PCDH17: variants seen among roughly 807,000 people sequenced by gnomAD.
PCDH17 encodes protocadherin-17.
In PCDH17, 21 loss-of-function variants were observed where a neutral mutation model predicts 67.7. That is an observed-to-expected ratio of 0.31 (90% CI 0.22 to 0.45). PCDH17 has a LOEUF of 0.45. Ranked by LOEUF, PCDH17 falls within the 20% of genes least tolerant of loss-of-function variation. The pLI, the probability that PCDH17 is intolerant of heterozygous loss-of-function variation, is 1.00. For missense variants in PCDH17, 1,471 were observed against 1,564.8 expected, an observed-to-expected ratio of 0.94 and a Z score of 1.01; for synonymous variants, 701 against 656.7, an observed-to-expected ratio of 1.07 and a Z score of -1.03.
chr13:57,681,989 A>C (rs1185334086), intron 3 of PCDH17, among the ~76,000 whole-genome samples: 2 of 151,814 alleles, frequency 1.3e-5, no homozygotes, highest in African/African-American at 2.4e-5. Flanking sequence ...TATTCATGAG[A>C]GATTTCACAG....
At chr13:57,645,209 A>C (rs1365231629) in intron 1 of PCDH17, among the ~76,000 whole-genome samples, 1 of 151,706 alleles carries the variant, frequency 6.6e-6, no homozygotes, top group Non-Finnish European at 1.5e-5. Context: ...ACTCTCTATG[A>C]GTAAGATTAG....
At chr13:57,696,735 A>G (rs1955612473) in intron 3 of PCDH17, among the ~76,000 whole-genome samples, 1 of 151,584 alleles carries the variant, frequency 6.6e-6, no homozygotes, top group South Asian at 2.1e-4. Flanking sequence ...GGTTTTACAC[A>G]TTTTGAGTAT....
At chr13:57,630,430 A>G (rs1412175114), upstream of PCDH17, among the ~76,000 whole-genome samples, 3 of 151,924 alleles carry the variant, frequency 2.0e-5, no homozygotes, top group Non-Finnish European at 4.4e-5. Flanking sequence ...AATAGAAAAA[A>G]TTGAGAGGAA....
Position 57,724,845 on chromosome 13 carries a change from C to G in PCDH17, c.3031C>G (p.Leu1011Val). 1 of 1,614,190 alleles carries G rather than the reference C, an allele frequency of 6.2e-7. No individual in the cohort carries two copies. The highest frequency in any genetic ancestry group is 8.5e-7 in the Non-Finnish European group (1 of 1,180,016). ...AAAAGACAAGCGAGAGCACACTATT[C>G]TCATTGCCAACGTTAAACCTTATTT... is the stretch of plus-strand genomic sequence containing the variant. ...FGKDKREHTILIANVKPYLKA... is the reference protein window; with the variant it reads ...FGKDKREHTIVIANVKPYLKA... Residue 1011 changes from leucine (L) to valine (V), a missense_variant, in exon 4 of 4, where the codon CTC (leucine) becomes GTC (valine). Physicochemically the swap from Leu to Val is conservative, Grantham distance 32. Transcript: ENST00000377918.
At chr13:57,717,828 G>A (rs1955834538) in intron 3 of PCDH17, among the ~76,000 whole-genome samples, 1 of 151,936 alleles carries the variant, frequency 6.6e-6, no homozygotes, top group Non-Finnish European at 1.5e-5. Flanking sequence ...TCCTCAAAAT[G>A]TATACATTTT....
intron 1 of PCDH17, among the ~76,000 whole-genome samples, chr13:57,649,614 T>C (rs1955011234): frequency 6.6e-6 from 1 of 152,216 alleles, no homozygotes; most frequent in African/African-American, 2.4e-5. Context: ...ACTCATCTGT[T>C]TTTTAATGAA....
intron 1 of PCDH17, among the ~76,000 whole-genome samples, chr13:57,641,333 T>C (rs1274590071): frequency 2.0e-5 from 3 of 150,874 alleles, no homozygotes; most frequent in Non-Finnish European, 3.0e-5. Context: ...GACATCAACA[T>C]CCCTACTGTG....
chr13:57,717,853 T>G (rs1346410777), intron 3 of PCDH17, among the ~76,000 whole-genome samples: 1 of 152,006 alleles, frequency 6.6e-6, no homozygotes, highest in African/African-American at 2.4e-5. Context: ...CATAGTAGTT[T>G]TATTACTTGA....
intron 1 of PCDH17, among the ~76,000 whole-genome samples, chr13:57,664,443 T>G: frequency 6.6e-6 from 1 of 152,192 alleles, no homozygotes; most frequent in Admixed American, 6.5e-5. Context: ...TGCTTAGAAC[T>G]TTAATAATAT....
chr13:57,674,534 C>T (rs1471861063), intron 3 of PCDH17, among the ~76,000 whole-genome samples: 2 of 151,944 alleles, frequency 1.3e-5, no homozygotes, highest in East Asian at 3.9e-4. Context: ...GTTTCATTGG[C>T]CAGGCTGCTC....
chr13:57,714,116 A>G (rs1462196908), intron 3 of PCDH17, among the ~76,000 whole-genome samples: 4 of 151,662 alleles, frequency 2.6e-5, no homozygotes, highest in Admixed American at 1.3e-4. Flanking sequence ...GGACTCCCAT[A>G]TCCTATTGGC....
intron 1 of PCDH17, among the ~76,000 whole-genome samples, chr13:57,658,546 A>G (rs1955139454): frequency 6.6e-6 from 1 of 152,056 alleles, no homozygotes; most frequent in South Asian, 2.1e-4. Flanking sequence ...TTCCTGGCTT[A>G]TTGCATGCCC....
chr13:57,705,683 A>G (rs1436097014), intron 3 of PCDH17, among the ~76,000 whole-genome samples: 1 of 152,154 alleles, frequency 6.6e-6, no homozygotes, highest in African/African-American at 2.4e-5. Context: ...CAAACACAGT[A>G]CACAAACTGA....
chr13:57,722,429 T>C (rs548369465), intron 3 of PCDH17, among the ~76,000 whole-genome samples: 1 of 152,272 alleles, frequency 6.6e-6, no homozygotes, highest in East Asian at 1.9e-4. Context: ...ATTGTAAAGT[T>C]TTCTACTTTT....
intron 3 of PCDH17, among the ~76,000 whole-genome samples, chr13:57,707,280 A>G (rs1186243569): frequency 5.9e-5 from 9 of 151,930 alleles, no homozygotes; most frequent in Non-Finnish European, 1.3e-4. Context: ...TTATGACTAT[A>G]TATACGTATG....
chr13:57,635,210 T>A, intron 1 of PCDH17, 99 bp downstream of exon 1: 3 of 1,219,818 alleles, frequency 2.5e-6, no homozygotes, highest in Non-Finnish European at 3.5e-6. Context: ...CCAGCAGCAG[T>A]GAGGGGGAAA....
At chr13:57,662,094 T>C (rs956389656) in intron 1 of PCDH17, among the ~76,000 whole-genome samples, 1 of 152,156 alleles carries the variant, frequency 6.6e-6, no homozygotes, top group Non-Finnish European at 1.5e-5. Context: ...CTCGAACTCC[T>C]GGCCTCAAGT....
At position 57,632,983 on chromosome 13, in the gene PCDH17, C is replaced by T. The variant is rs1251124716; in HGVS notation, c.437C>T (p.Ala146Val). ...QIEMDISENA[A>V]PGTRFPLTSA... ...GAAATGGACATCTCGGAGAACGCTGCTCCGGGCACCCGCTTCCCCCTCACC... is the reference window on the plus strand; with the variant it reads ...GAAATGGACATCTCGGAGAACGCTGTTCCGGGCACCCGCTTCCCCCTCACC... Residue 146 changes from alanine to valine, a missense_variant, in exon 1 of 4, where the codon GCT becomes GTT. Physicochemically the swap from Ala to Val is moderately conservative, Grantham distance 64. This residue lies in a region of PCDH17 where 1,163 missense variants were observed against 1,230.0 expected (regional missense o/e 0.95). Transcript: ENST00000377918. 1 of 1,613,442 alleles carries T rather than the reference C, an allele frequency of 6.2e-7. No homozygotes were observed. Among genetic ancestry groups the T allele is most frequent in the Middle Eastern group, 1.6e-4 (1 of 6,062 alleles).
At chr13:57,679,857 T>C (rs1185936965) in intron 3 of PCDH17, among the ~76,000 whole-genome samples, 1 of 151,496 alleles carries the variant, frequency 6.6e-6, no homozygotes, top group Non-Finnish European at 1.5e-5. Flanking sequence ...TACTGCACTC[T>C]GTTAGAAAAC....
Sources: gnomAD v4.1 joint callset for allele counts (sites outside exome capture counted in the v4.1 genomes callset) on GRCh38, gnomAD v4.1.1 for gene constraint, gnomAD v4.1.1 regional missense constraint, MANE v1.5 for transcripts, NCBI Gene and HGNC (gene_info 2026-07-23, HGNC 2026-07-21) for gene names.